ANGPT1: variants seen among roughly 807,000 people sequenced by gnomAD.
ANGPT1 encodes the protein angiopoietin-1.
In ANGPT1, 17 loss-of-function variants were observed where a neutral mutation model predicts 62.2. The ratio of observed to expected loss-of-function variants is 0.27; its 90% confidence interval spans 0.19 to 0.41. ANGPT1 has a LOEUF of 0.41. Ranked by LOEUF, ANGPT1 falls within the 10% of genes least tolerant of loss-of-function variation. The probability of loss-of-function intolerance (pLI) is 1.00; values close to 1 mark genes in which losing one functional copy is unlikely to be tolerated. For missense variants in ANGPT1, 478 were observed against 594.9 expected, an observed-to-expected ratio of 0.80 and a Z score of 2.04; for synonymous variants, 199 against 198.9, an observed-to-expected ratio of 1.00 and a Z score of 0.00.
chr8:107,477,257 A>G (rs1211561723), intron 1 of ANGPT1, among the ~76,000 whole-genome samples: 1 of 152,182 alleles, frequency 6.6e-6, no homozygotes, highest in Non-Finnish European at 1.5e-5. Flanking sequence ...TAACTACAAT[A>G]TGGAGGATGG....
At chr8:107,305,059 C>G (rs566515534) in intron 4 of ANGPT1, among the ~76,000 whole-genome samples, 1 of 151,944 alleles carries the variant, frequency 6.6e-6, no homozygotes, top group Non-Finnish European at 1.5e-5. Flanking sequence ...AAAGCATTGA[C>G]GTAGTTTACT....
At chr8:107,342,776 G>A (rs75892011) in intron 2 of ANGPT1, among the ~76,000 whole-genome samples, 55 of 132,400 alleles carry the variant, frequency 4.2e-4, no homozygotes, top group African/African-American at 1.6e-3. Context: ...TTCCTGAACT[G>A]CCTAATACAC....
chr8:107,310,152 A>C (rs1814814843), intron 4 of ANGPT1, among the ~76,000 whole-genome samples: 1 of 152,190 alleles, frequency 6.6e-6, no homozygotes, highest in Admixed American at 6.5e-5. Flanking sequence ...CATGATCATA[A>C]TAAAATCAAC....
At chr8:107,428,219 T>C (rs1036228317) in intron 1 of ANGPT1, among the ~76,000 whole-genome samples, 2 of 152,176 alleles carry the variant, frequency 1.3e-5, no homozygotes, top group Non-Finnish European at 2.9e-5. Context: ...CCAGATGACA[T>C]TCACCTTTTA....
chr8:107,402,250 C>A (rs1421414259), intron 1 of ANGPT1, among the ~76,000 whole-genome samples: 5 of 152,114 alleles, frequency 3.3e-5, no homozygotes, highest in African/African-American at 9.7e-5. Flanking sequence ...AGGTTGAGAT[C>A]TTCTGTGTTG....
chr8:107,454,462 G>A (rs1811862232), intron 1 of ANGPT1, among the ~76,000 whole-genome samples: 1 of 151,990 alleles, frequency 6.6e-6, no homozygotes. Context: ...TGATTACCTG[G>A]TAGTGTTAGA....
chr8:107,370,236 A>C (rs1816360964), intron 1 of ANGPT1, among the ~76,000 whole-genome samples: 1 of 146,898 alleles, frequency 6.8e-6, no homozygotes, highest in Non-Finnish European at 1.5e-5. Flanking sequence ...GGAAGGAAGA[A>C]GGAAGAAAGA....
In ANGPT1 at chr8:107,414,723, A is replaced by T. The variant is rs567404858; in HGVS notation, c.298-67626T>A. 9.2e-5 allele frequency among the ~76,000 whole-genome samples: 14 copies of T among 152,268 alleles called. No individual in the cohort carries two copies. In the South Asian group the frequency reaches 2.9e-3, roughly 32 times the overall value. The stretch of plus-strand genomic sequence containing the variant: ...ACCTAGTATAGCACTTCCCACTTCC[A>T]AGTGCCCATCTGAGTACTTCTAAAT... On this transcript the variant is annotated intron_variant, in intron 1 of 8. Transcript: ENST00000517746.
At position 107,299,391 on chromosome 8, in the gene ANGPT1, G is replaced by GTATA. The variant is rs59247214; in HGVS notation, c.936+3845_936+3848dup. On this transcript the variant is annotated intron_variant, in intron 5 of 8. Coordinates refer to ENST00000517746, the MANE Select transcript of ANGPT1 (RefSeq NM_001146.5). ...TGTTGAAAAGAGTAAATGAAGGAGT[G>GTATA]TATATATATATATATATATATATAT... 7.3e-3 allele frequency among the ~76,000 whole-genome samples: 821 copies of GTATA among 112,510 alleles called. 8 individuals are homozygous for GTATA. Among genetic ancestry groups the GTATA allele is most frequent in the African/African-American group, 0.021 (634 of 29,628 alleles). The allele number at this position is 112,510 out of a possible 152,430, so 73.8% of individuals were successfully genotyped here. A position where few individuals can be genotyped will look rare whatever the true frequency, so the allele number is the denominator to read the frequency against.
At chr8:107,416,980 A>G (rs1308625805) in intron 1 of ANGPT1, among the ~76,000 whole-genome samples, 1 of 151,926 alleles carries the variant, frequency 6.6e-6, no homozygotes, top group Non-Finnish European at 1.5e-5. Context: ...TAGTAGCGAC[A>G]GGGTTTCACC....
chr8:107,329,902 C>T (rs1225744109), intron 3 of ANGPT1, among the ~76,000 whole-genome samples: 2 of 152,000 alleles, frequency 1.3e-5, no homozygotes, highest in African/African-American at 4.8e-5. Context: ...AATAAACATG[C>T]ACACACAGAA....
At chr8:107,273,570 G>A (rs1444404306) in intron 7 of ANGPT1, among the ~76,000 whole-genome samples, 1 of 151,568 alleles carries the variant, frequency 6.6e-6, no homozygotes, top group East Asian at 1.9e-4. Flanking sequence ...TCTAAATAAG[G>A]CAGACTGTCT....
chr8:107,374,150 AC>A (rs961338270), intron 1 of ANGPT1, among the ~76,000 whole-genome samples: 3 of 152,182 alleles, frequency 2.0e-5, no homozygotes, highest in Admixed American at 6.5e-5. Flanking sequence ...GGGCTTGCCA[AC>A]CTTTTTTTAT....
At chr8:107,417,977 C>T (rs1416049571) in intron 1 of ANGPT1, among the ~76,000 whole-genome samples, 1 of 152,136 alleles carries the variant, frequency 6.6e-6, no homozygotes, top group African/African-American at 2.4e-5. Flanking sequence ...TGTTCTGTCT[C>T]TGCAAATTGG....
intron 1 of ANGPT1, among the ~76,000 whole-genome samples, chr8:107,377,851 G>A (rs1816559190): frequency 6.6e-6 from 1 of 151,870 alleles, no homozygotes; most frequent in Admixed American, 6.6e-5. Context: ...ATGGCCCAAA[G>A]ATTAATATTT....
chr8:107,276,071 G>T (rs1442447261), intron 7 of ANGPT1, among the ~76,000 whole-genome samples: 1 of 152,088 alleles, frequency 6.6e-6, no homozygotes, highest in Non-Finnish European at 1.5e-5. Context: ...CTGTAAGAAT[G>T]TGCTCATCCG....
intron 4 of ANGPT1, among the ~76,000 whole-genome samples, chr8:107,319,990 G>C (rs1815112522): frequency 6.6e-6 from 1 of 152,022 alleles, no homozygotes; most frequent in South Asian, 2.1e-4. Flanking sequence ...TCATTTCAGA[G>C]TTTTGTCATT....
intron 1 of ANGPT1, among the ~76,000 whole-genome samples, chr8:107,483,417 C>T (rs1049191722): frequency 6.6e-6 from 1 of 152,072 alleles, no homozygotes; most frequent in Admixed American, 6.6e-5. Context: ...TTTATTTGAA[C>T]CAAGGTCTCC....
In ANGPT1 at chr8:107,481,406, C is replaced by T. The variant is rs1425255415; in HGVS notation, c.297+15856G>A. ...AAAATTAGCCAGGCGCGGTGGCGGG[C>T]TCCTGTAGTCCCAGCTACTTGGGAG... On this transcript the variant is annotated intron_variant, in intron 1 of 8. Coordinates refer to ENST00000517746, the MANE Select transcript of ANGPT1 (RefSeq NM_001146.5). Among the ~76,000 whole-genome samples the T allele has an allele frequency of 2.0e-5, 3 of 151,418 alleles. No homozygotes were observed. In the East Asian group the frequency reaches 5.9e-4, roughly 30 times the overall value.
Sources: gnomAD v4.1 joint callset for allele counts (sites outside exome capture counted in the v4.1 genomes callset) on GRCh38, gnomAD v4.1.1 for gene constraint, MANE v1.5 for transcripts, NCBI Gene and HGNC (gene_info 2026-07-23, HGNC 2026-07-21) for gene names.